Variants in CMIP observed in about 807,000 individuals in gnomAD.
CMIP encodes C-Maf-inducing protein.
In CMIP, 13 loss-of-function variants were observed where a neutral mutation model predicts 97.3. The observed-to-expected ratio is 0.13, with a 90% confidence interval of 0.09 to 0.21. The LOEUF (loss-of-function observed/expected upper bound fraction) is 0.21. Among genes scored for constraint, CMIP ranks in the 10% least tolerant of loss-of-function variants. CMIP has a pLI of 1.00. For missense variants in CMIP, 847 were observed against 1,024.9 expected (o/e 0.83, Z 2.37); for synonymous variants, 538 against 436.3 (o/e 1.23, Z -2.91).
intron 1 of CMIP, among the ~76,000 whole-genome samples, chr16:81,522,060 C>T (rs1054685833): frequency 6.6e-5 from 10 of 152,146 alleles, no homozygotes; most frequent in African/African-American, 1.9e-4. Context: ...CAAGTGCAGA[C>T]GGATGAGGTT....
chr16:81,579,802 A>C (rs1237572144), intron 1 of CMIP, among the ~76,000 whole-genome samples: 1 of 152,146 alleles, frequency 6.6e-6, no homozygotes, highest in Non-Finnish European at 1.5e-5. Flanking sequence ...AAAAATACAA[A>C]AAAATTAGCT....
intron 13 of CMIP, chr16:81,696,331 C>G: frequency 1.7e-6 from 1 of 590,892 alleles, no homozygotes; most frequent in Non-Finnish European, 3.0e-6. Flanking sequence ...TCCTGTGCAG[C>G]TGACAGCCAG....
intron 1 of CMIP, among the ~76,000 whole-genome samples, chr16:81,552,032 G>T (rs2090669369): frequency 6.6e-6 from 1 of 152,218 alleles, no homozygotes; most frequent in African/African-American, 2.4e-5. Context: ...GGCGGCAGGG[G>T]CAGGGAGGAC....
intron 3 of CMIP, among the ~76,000 whole-genome samples, chr16:81,622,955 A>G (rs886243112): frequency 6.6e-6 from 1 of 152,236 alleles, no homozygotes; most frequent in Non-Finnish European, 1.5e-5. Context: ...TGTAATCCCA[A>G]CACTTTGGGA....
chr16:81,638,585 C>T (rs1212386946), intron 3 of CMIP, among the ~76,000 whole-genome samples: 4 of 152,134 alleles, frequency 2.6e-5, no homozygotes, highest in Admixed American at 2.6e-4. Context: ...TCATCCCTCC[C>T]CTTGTCCCTT....
At chr16:81,649,948 C>T (rs553163223) in intron 3 of CMIP, among the ~76,000 whole-genome samples, 10 of 152,198 alleles carry the variant, frequency 6.6e-5, no homozygotes, top group Non-Finnish European at 8.8e-5. Context: ...TTGGGTTTTG[C>T]ACAGATATTT....
At chr16:81,516,272 C>T (rs758311610) in intron 1 of CMIP, among the ~76,000 whole-genome samples, 1 of 152,196 alleles carries the variant, frequency 6.6e-6, no homozygotes. Context: ...TTTTCTCACT[C>T]TTGATTCCTC....
At chr16:81,550,866 A>G (rs986633873) in intron 1 of CMIP, among the ~76,000 whole-genome samples, 1 of 150,788 alleles carries the variant, frequency 6.6e-6, no homozygotes, top group Non-Finnish European at 1.5e-5. Flanking sequence ...CAGTTCCATC[A>G]CACACACCCC....
intron 2 of CMIP, chr16:81,610,656 ACT>A (rs1248631988): frequency 2.5e-6 from 1 of 407,758 alleles, no homozygotes; most frequent in Admixed American, 6.4e-5. Context: ...TCACCCCCAC[ACT>A]CTGCCCACCG....
At chr16:81,645,376 C>G (rs2092352901) in intron 3 of CMIP, 1 of 1,456,018 alleles carries the variant, frequency 6.9e-7, no homozygotes, top group Non-Finnish European at 9.1e-7. Flanking sequence ...GCGCGAGCCC[C>G]AGAGGCTGCG....
chr16:81,551,291 A>T (rs558833317), intron 1 of CMIP, among the ~76,000 whole-genome samples: 3 of 152,234 alleles, frequency 2.0e-5, no homozygotes, highest in Admixed American at 1.3e-4. Context: ...CTGAGTAACC[A>T]TGGGCAACCA....
At chr16:81,468,496 C>A (rs1398511070) in intron 1 of CMIP, among the ~76,000 whole-genome samples, 2 of 152,256 alleles carry the variant, frequency 1.3e-5, no homozygotes, top group African/African-American at 4.8e-5. Context: ...CCCCAGGCCT[C>A]TCGCAGGGGC....
At chr16:81,701,075 A>G (rs969746306) in intron 15 of CMIP, among the ~76,000 whole-genome samples, 27 of 151,564 alleles carry the variant, frequency 1.8e-4, no homozygotes, top group African/African-American at 6.3e-4. Context: ...ACTTGAGCCC[A>G]GGAGGTTGAA....
At chr16:81,581,423 A>G (rs2091294808) in intron 1 of CMIP, among the ~76,000 whole-genome samples, 1 of 152,186 alleles carries the variant, frequency 6.6e-6, no homozygotes, top group Non-Finnish European at 1.5e-5. Flanking sequence ...AACCTGTACA[A>G]CAGGTTACTC....
intron 1 of CMIP, among the ~76,000 whole-genome samples, chr16:81,466,087 G>A (rs1907189393): frequency 1.3e-5 from 2 of 151,674 alleles, no homozygotes; most frequent in African/African-American, 2.4e-5. Context: ...TTGAGGTAGG[G>A]TCTCGCCCTG....
intron 1 of CMIP, among the ~76,000 whole-genome samples, chr16:81,479,718 T>C (rs909872357): frequency 6.6e-6 from 1 of 152,216 alleles, no homozygotes; most frequent in African/African-American, 2.4e-5. Flanking sequence ...ATTTAGCCAC[T>C]ACCACCTCTG....
At chr16:81,521,916 C>T (rs560542584) in intron 1 of CMIP, among the ~76,000 whole-genome samples, 1 of 152,282 alleles carries the variant, frequency 6.6e-6, no homozygotes, top group Admixed American at 6.5e-5. Context: ...CCAAGAAAGG[C>T]CAGTGTCTGA....
chr16:81,489,435 T>C (rs1163841327), intron 1 of CMIP, among the ~76,000 whole-genome samples: 2 of 152,180 alleles, frequency 1.3e-5, no homozygotes, highest in Non-Finnish European at 2.9e-5. Context: ...TCAGAGCGTA[T>C]TATTCAGGTA....
At chr16:81,605,607 C>T (rs1173365531) in intron 1 of CMIP, among the ~76,000 whole-genome samples, 2 of 152,246 alleles carry the variant, frequency 1.3e-5, no homozygotes, top group Non-Finnish European at 2.9e-5. Context: ...CCAGCCCTCC[C>T]TCCGTTTCAC....
Sources: gnomAD v4.1 joint callset for allele counts (sites outside exome capture counted in the v4.1 genomes callset) on GRCh38, gnomAD v4.1.1 for gene constraint, MANE v1.5 for transcripts, NCBI Gene and HGNC (gene_info 2026-07-23, HGNC 2026-07-21) for gene names.